NPTN: variants seen among roughly 807,000 people sequenced by gnomAD.
NPTN encodes SDR-1.
Under a neutral mutation model 42.7 loss-of-function variants are expected in NPTN, and 5 were observed. The observed-to-expected ratio is 0.12, with a 90% CI of 0.06 to 0.25. NPTN has a LOEUF of 0.25. NPTN is among the 10% of genes least tolerant of loss of function. The pLI, the probability that NPTN is intolerant of heterozygous loss-of-function variation, is 1.00. For missense variants in NPTN, 307 were observed against 525.4 expected (o/e 0.58, Z 4.06); for synonymous variants, 180 against 201.9 (o/e 0.89, Z 0.92).
At chr15:73,599,766 T>C (rs187680330) in intron 1 of NPTN, among the ~76,000 whole-genome samples, 2 of 152,174 alleles carry the variant, frequency 1.3e-5, no homozygotes, top group Non-Finnish European at 2.9e-5. Context: ...TATTATTCTG[T>C]TTTAATCATA....
At chr15:73,567,524 G>A (rs1895100722) in intron 6 of NPTN, 4 of 985,238 alleles carry the variant, frequency 4.1e-6, no homozygotes, top group Non-Finnish European at 4.8e-6. Context: ...GAAGCAGACA[G>A]GTAAGTTTGT....
intron 1 of NPTN, among the ~76,000 whole-genome samples, chr15:73,623,523 C>CA (rs1898239538): frequency 6.6e-6 from 1 of 151,992 alleles, no homozygotes; most frequent in Non-Finnish European, 1.5e-5. Context: ...CTCATCTCCA[C>CA]AAAAAATTCA....
chr15:73,563,471 C>T, intron 6 of NPTN: 1 of 1,377,264 alleles, frequency 7.3e-7, no homozygotes, highest in Non-Finnish European at 9.4e-7. Flanking sequence ...TATGTTGTTT[C>T]AATGGTTTTA....
intron 4 of NPTN, among the ~76,000 whole-genome samples, chr15:73,582,363 T>G (rs1454036792): frequency 6.6e-6 from 1 of 152,158 alleles, no homozygotes; most frequent in East Asian, 1.9e-4. Context: ...GAGTGAAGAT[T>G]TACTGCTTGC....
intron 3 of NPTN, among the ~76,000 whole-genome samples, chr15:73,588,196 T>C (rs1239678864): frequency 6.6e-6 from 1 of 152,194 alleles, no homozygotes; most frequent in South Asian, 2.1e-4. Context: ...GCCAAGATCA[T>C]GCCAACGCAC....
intron 1 of NPTN, among the ~76,000 whole-genome samples, chr15:73,614,021 G>C (rs1346381603): frequency 2.6e-5 from 4 of 151,806 alleles, no homozygotes; most frequent in Admixed American, 2.0e-4. Context: ...TTTTTGAAAA[G>C]TATATTTAAG....
At chr15:73,567,321 T>C in intron 6 of NPTN, 1 of 985,282 alleles carries the variant, frequency 1.0e-6, no homozygotes, top group Non-Finnish European at 1.2e-6. Flanking sequence ...GGCAGGCCTA[T>C]AAAAAAATTC....
chr15:73,565,802 C>A (rs1015579633), intron 6 of NPTN: 1 of 456,208 alleles, frequency 2.2e-6, no homozygotes, highest in Non-Finnish European at 4.4e-6. Flanking sequence ...GATTTATCTG[C>A]GTGTTCCATC....
chr15:73,580,401 T>A (rs1030918164), intron 4 of NPTN, among the ~76,000 whole-genome samples: 15 of 106,050 alleles, frequency 1.4e-4, no homozygotes, highest in African/African-American at 4.1e-4. Flanking sequence ...ATATATATAT[T>A]ATATATATAA....
intron 4 of NPTN, among the ~76,000 whole-genome samples, chr15:73,585,671 A>G (rs369071693): frequency 6.6e-6 from 1 of 152,218 alleles, no homozygotes; most frequent in Non-Finnish European, 1.5e-5. Flanking sequence ...AGAGATAAAC[A>G]CACAGTATAT....
chr15:73,631,347 T>C (rs992981659), intron 1 of NPTN, among the ~76,000 whole-genome samples: 3 of 152,216 alleles, frequency 2.0e-5, no homozygotes, highest in Non-Finnish European at 4.4e-5. Context: ...CACAGTGGAC[T>C]CATGCTTAGA....
chr15:73,587,502 C>T (rs1241749734), intron 4 of NPTN, 22 bp downstream of exon 4: 1 of 1,574,778 alleles, frequency 6.4e-7, no homozygotes, highest in East Asian at 2.2e-5. Flanking sequence ...AGGCTCACAC[C>T]ACAGCCTCTG....
chr15:73,565,859 C>T, intron 6 of NPTN: 1 of 454,094 alleles, frequency 2.2e-6, no homozygotes, highest in South Asian at 1.6e-5. Context: ...ATATCCGCCT[C>T]ATCATCTAGA....
Position 73,597,409 on chromosome 15 carries a change from C to T in NPTN, c.92-40G>A. 8.5e-7 allele frequency: 1 copy of T among 1,176,578 alleles called. No homozygotes were observed. The highest frequency in any genetic ancestry group is 1.2e-6 in the Non-Finnish European group (1 of 860,410). 72.9% of individuals were successfully genotyped at this position (1,176,578 alleles called of 1,614,324 possible). On this transcript the variant is annotated intron_variant, in intron 1 of 8. Transcript: ENST00000345330. This position sits in a 1 kb window ranked among gnomAD's most constrained non-coding sequence, Gnocchi z 6.3. ...AGCAGGAATGCAGTGACAGGCCAATCAGAAAAAAAAAAAAGAATCAACAGG... is the reference window on the plus strand; with the variant it reads ...AGCAGGAATGCAGTGACAGGCCAATTAGAAAAAAAAAAAAGAATCAACAGG...
chr15:73,595,291 T>A (rs551575720), intron 2 of NPTN, among the ~76,000 whole-genome samples: 5 of 152,218 alleles, frequency 3.3e-5, no homozygotes, highest in Admixed American at 6.5e-5. Flanking sequence ...TCTGCTTTTA[T>A]AAGGAAAGGA....
intron 2 of NPTN, among the ~76,000 whole-genome samples, chr15:73,592,540 C>T (rs1238701563): frequency 1.3e-5 from 2 of 152,186 alleles, no homozygotes; most frequent in African/African-American, 4.8e-5. Context: ...TTATAATAAA[C>T]TCCCTATTGT....
At chr15:73,612,583 T>A (rs10851863) in intron 1 of NPTN, among the ~76,000 whole-genome samples, 1 of 151,690 alleles carries the variant, frequency 6.6e-6, no homozygotes, top group Middle Eastern at 3.4e-3. Context: ...CTGGCTAACA[T>A]GGTGAAACCC....
At chr15:73,576,327 GA>G (rs1895694948) in intron 4 of NPTN, among the ~76,000 whole-genome samples, 1 of 152,068 alleles carries the variant, frequency 6.6e-6, no homozygotes, top group Non-Finnish European at 1.5e-5. Context: ...GGTAAGTAAA[GA>G]ATGTATTTTT....
chr15:73,622,701 T>C (rs1898195635), intron 1 of NPTN, among the ~76,000 whole-genome samples: 1 of 152,314 alleles, frequency 6.6e-6, no homozygotes, highest in East Asian at 1.9e-4. Flanking sequence ...CAATGCAACA[T>C]GATTTTGTCC....
Sources: allele counts gnomAD v4.1 joint callset (sites outside exome capture counted in the v4.1 genomes callset), GRCh38; gene constraint gnomAD v4.1.1; non-coding constraint Gnocchi (gnomAD v3.1); transcripts MANE v1.5; gene names NCBI Gene and HGNC (gene_info 2026-07-23, HGNC 2026-07-21).